The following SLC25A48 variants were observed in gnomAD, a reference collection of about 807,000 sequenced individuals.
The protein encoded by SLC25A48 is solute carrier family 25 member 48, also known as CTC-321K16.1.
Under a neutral mutation model 32.2 loss-of-function variants are expected in SLC25A48, and 29 were observed. That is an observed-to-expected ratio of 0.90 (90% CI 0.67 to 1.23). SLC25A48 has a LOEUF of 1.23. SLC25A48 is among the 50% of genes most tolerant of loss of function. SLC25A48 has a pLI of 0.00. For missense variants in SLC25A48, 399 were observed against 422.7 expected (o/e 0.94, Z 0.49); for synonymous variants, 164 against 172.3 (o/e 0.95, Z 0.38).
chr5:135,779,027 T>C (rs1291445020), intron 3 of SLC25A48, among the ~76,000 whole-genome samples: 1 of 151,442 alleles, frequency 6.6e-6, no homozygotes, highest in South Asian at 2.1e-4. Flanking sequence ...ATCCAGAGGG[T>C]CAAAAGATGA....
At chr5:135,812,304 G>A (rs897741513) in intron 3 of SLC25A48, among the ~76,000 whole-genome samples, 9 of 152,008 alleles carry the variant, frequency 5.9e-5, no homozygotes, top group African/African-American at 1.7e-4. Flanking sequence ...TCATTTCTTT[G>A]TGTTACAAAC....
chr5:135,699,362 C>T (rs1416935044), intron 3 of SLC25A48, among the ~76,000 whole-genome samples: 1 of 150,738 alleles, frequency 6.6e-6, no homozygotes, highest in Non-Finnish European at 1.5e-5. Flanking sequence ...ACTACTAACA[C>T]CTGCAACAAT....
At chr5:135,634,411 C>T (rs932527901) in intron 2 of SLC25A48, among the ~76,000 whole-genome samples, 1 of 152,250 alleles carries the variant, frequency 6.6e-6, no homozygotes, top group African/African-American at 2.4e-5. Flanking sequence ...AATGGCCAAT[C>T]ATCATGGGGC....
intron 4 of SLC25A48, among the ~76,000 whole-genome samples, chr5:135,816,514 C>T (rs1027125637): frequency 1.3e-5 from 2 of 152,186 alleles, no homozygotes; most frequent in Admixed American, 6.5e-5. Flanking sequence ...CTCTAAACCT[C>T]ATTTTCTTAT....
intron 3 of SLC25A48, among the ~76,000 whole-genome samples, chr5:135,798,248 C>T (rs1476720639): frequency 6.6e-6 from 1 of 151,738 alleles, no homozygotes; most frequent in Non-Finnish European, 1.5e-5. Context: ...GATGGTTACA[C>T]CATCCCTGTG....
At chr5:135,702,002 G>A (rs775066180) in intron 3 of SLC25A48, among the ~76,000 whole-genome samples, 2 of 152,204 alleles carry the variant, frequency 1.3e-5, no homozygotes, top group Non-Finnish European at 1.5e-5. Flanking sequence ...GTAGGTGTTA[G>A]GATGTTTACA....
At chr5:135,644,088 G>C (rs961419028) in intron 3 of SLC25A48, among the ~76,000 whole-genome samples, 1 of 152,116 alleles carries the variant, frequency 6.6e-6, no homozygotes, top group East Asian at 1.9e-4. Flanking sequence ...GGCCAAGGAG[G>C]TTATTCAAAT....
chr5:135,599,300 C>T (rs1751731258), intron 1 of SLC25A48, among the ~76,000 whole-genome samples: 1 of 152,156 alleles, frequency 6.6e-6, no homozygotes, highest in Non-Finnish European at 1.5e-5. Flanking sequence ...TTGGGAACTG[C>T]TATCTGAGTC....
chr5:135,811,111 G>A (rs1757580692), intron 3 of SLC25A48, among the ~76,000 whole-genome samples: 1 of 152,144 alleles, frequency 6.6e-6, no homozygotes, highest in African/African-American at 2.4e-5. Flanking sequence ...CCCCCTGGGA[G>A]ACATGGCATA....
intron 3 of SLC25A48, among the ~76,000 whole-genome samples, chr5:135,761,133 A>G (rs907337752): frequency 2.0e-5 from 3 of 151,854 alleles, no homozygotes; most frequent in African/African-American, 7.3e-5. Context: ...AGACCCCCCC[A>G]TCTCTAAAAA....
chr5:135,786,631 T>C (rs1756855216), intron 3 of SLC25A48, among the ~76,000 whole-genome samples: 1 of 152,102 alleles, frequency 6.6e-6, no homozygotes, highest in African/African-American at 2.4e-5. Context: ...CCCCTAGTGA[T>C]ACTAATTGTA....
intron 4 of SLC25A48, among the ~76,000 whole-genome samples, chr5:135,853,367 A>G (rs1370396554): frequency 6.6e-6 from 1 of 152,180 alleles, no homozygotes; most frequent in East Asian, 1.9e-4. Context: ...ACGCTGTTTG[A>G]TGGCATTTTA....
intron 3 of SLC25A48, among the ~76,000 whole-genome samples, chr5:135,764,150 G>A (rs912967575): frequency 3.0e-4 from 45 of 151,988 alleles, no homozygotes; most frequent in African/African-American, 1.0e-3. Flanking sequence ...GGGAGGTAGA[G>A]GATGATATTT....
At chr5:135,714,085 G>A (rs1054026016) in intron 3 of SLC25A48, among the ~76,000 whole-genome samples, 3 of 152,138 alleles carry the variant, frequency 2.0e-5, no homozygotes, top group African/African-American at 7.2e-5. Flanking sequence ...ATGCCTGCCC[G>A]CCCCACCCCT....
intron 1 of SLC25A48, among the ~76,000 whole-genome samples, chr5:135,624,565 A>G (rs2126901480): frequency 6.6e-6 from 1 of 152,344 alleles, no homozygotes; most frequent in African/African-American, 2.4e-5. Flanking sequence ...ATGCTGTTCC[A>G]AGGGAACTGG....
chr5:135,728,495 A>C (rs1305553457), intron 3 of SLC25A48, among the ~76,000 whole-genome samples: 1 of 152,120 alleles, frequency 6.6e-6, no homozygotes, highest in Non-Finnish European at 1.5e-5. Flanking sequence ...TCTTATGTGG[A>C]TACAGCATCA....
chr5:135,599,031 T>C (rs994364168), intron 1 of SLC25A48, among the ~76,000 whole-genome samples: 1 of 151,916 alleles, frequency 6.6e-6, no homozygotes, highest in South Asian at 2.1e-4. Flanking sequence ...GTGTCTGACC[T>C]CCCTTCTCGT....
chr5:135,713,746 A>G (rs934804762), intron 3 of SLC25A48, among the ~76,000 whole-genome samples: 1 of 152,104 alleles, frequency 6.6e-6, no homozygotes, highest in Admixed American at 6.5e-5. Context: ...TTCTACAACG[A>G]GGTTTGAATT....
chr5:135,887,624 T>C (rs1418260126), intron 7 of SLC25A48, among the ~76,000 whole-genome samples: 1 of 152,110 alleles, frequency 6.6e-6, no homozygotes, highest in Admixed American at 6.5e-5. Flanking sequence ...GGCCCTGTGG[T>C]GAGAACACCT....
Sources: gnomAD v4.1 joint callset for allele counts (sites outside exome capture counted in the v4.1 genomes callset) on GRCh38, gnomAD v4.1.1 for gene constraint, MANE v1.5 for transcripts, NCBI Gene and HGNC (gene_info 2026-07-23, HGNC 2026-07-21) for gene names.